The following CCDC144A variants were observed in gnomAD, a reference collection of about 807,000 sequenced individuals.
CCDC144A encodes coiled-coil domain containing 144A.
A neutral mutation model predicts 143.8 loss-of-function variants in CCDC144A; 41 were observed. That is an observed-to-expected ratio of 0.29 (90% CI 0.22 to 0.37). CCDC144A has a LOEUF of 0.37. Ranked by LOEUF, CCDC144A falls within the 10% of genes least tolerant of loss-of-function variation. The pLI is 1.00. For synonymous variants in CCDC144A, 242 were observed against 517.9 expected (o/e 0.47, Z 7.23); for missense variants, 637 against 1,488.8 (o/e 0.43, Z 9.41).
At chr17:16,700,387 A>C (rs1475732725) in intron 2 of CCDC144A, among the ~76,000 whole-genome samples, 1 of 152,190 alleles carries the variant, frequency 6.6e-6, no homozygotes, top group Non-Finnish European at 1.5e-5. Context: ...CCTCACATGT[A>C]ACAAAACTCT....
the CCDC144A span, chr17:16,683,783 A>C: frequency 5.2e-5 from 76 of 1,471,422 alleles, no homozygotes; most frequent in Non-Finnish European, 7.1e-5. Context: ...ATGCAAGCAC[A>C]TGAAGCCGAG....
At chr17:16,688,371 G>A (rs111369648), upstream of CCDC144A, among the ~76,000 whole-genome samples, 112 of 151,986 alleles carry the variant, frequency 7.4e-4, no homozygotes, top group African/African-American at 2.6e-3. Flanking sequence ...ATGTGCACAC[G>A]ATATGTGCAA....
At chr17:16,721,396 TA>T (rs1357064942) in intron 8 of CCDC144A, among the ~76,000 whole-genome samples, 3 of 151,750 alleles carry the variant, frequency 2.0e-5, no homozygotes, top group Non-Finnish European at 4.4e-5. Context: ...ACCAGAGGTA[TA>T]CGACATTTCT....
chr17:16,683,377 C>G, the CCDC144A span: 1 of 668,450 alleles, frequency 1.5e-6, no homozygotes, highest in Non-Finnish European at 2.6e-6. Flanking sequence ...TAGGACAACT[C>G]TCTTTGTAAA....
chr17:16,767,800 A>G (rs948030581), intron 15 of CCDC144A, among the ~76,000 whole-genome samples: 2 of 152,258 alleles, frequency 1.3e-5, no homozygotes, highest in African/African-American at 2.4e-5. Flanking sequence ...TGTTGAAACA[A>G]GTTTTCTCTA....
At chr17:16,690,855 G>T in intron 1 of CCDC144A, 111 bp downstream of exon 1, 1 of 944,230 alleles carries the variant, frequency 1.1e-6, no homozygotes, top group Non-Finnish European at 1.6e-6. Context: ...AGGGGCCCAG[G>T]CCTCTTAGTG....
upstream of CCDC144A, among the ~76,000 whole-genome samples, chr17:16,685,609 C>T (rs1910750908): frequency 1.3e-5 from 2 of 151,368 alleles, no homozygotes; most frequent in African/African-American, 4.9e-5. Context: ...TCTTGAACTC[C>T]TGACCTCAGG....
At chr17:16,746,853 C>T (rs968007694) in intron 12 of CCDC144A, 5 of 769,398 alleles carry the variant, frequency 6.5e-6, no homozygotes, top group Non-Finnish European at 1.1e-5. Context: ...CCGGCCCCCG[C>T]CCCTCCCTCC....
chr17:16,755,256 A>T (rs530933387), intron 12 of CCDC144A, among the ~76,000 whole-genome samples: 1 of 152,042 alleles, frequency 6.6e-6, no homozygotes, highest in Non-Finnish European at 1.5e-5. Flanking sequence ...GTGAGGACTT[A>T]CTCCTTTCAT....
the CCDC144A span, among the ~76,000 whole-genome samples, chr17:16,667,302 GC>G: frequency 1.3e-5 from 2 of 151,014 alleles, no homozygotes; most frequent in South Asian, 2.1e-4. Context: ...GGCGGCTGAG[GC>G]GGCTGAGGGG....
rs977566235 is a variant in CCDC144A, at chr17:16,694,689, T to G, written c.415+1640T>G. 2.2e-3 allele frequency among the ~76,000 whole-genome samples: 328 copies of G among 152,034 alleles called. 10 individuals are homozygous for G. The highest frequency in any genetic ancestry group is 0.02 in the Admixed American group (306 of 15,268). On this transcript the variant is annotated intron_variant, in intron 2 of 16. Coordinates refer to ENST00000399273, the MANE Select transcript of CCDC144A (RefSeq NM_001382000.1). ...TGAGTGCAGAAGTCAGAAAAGCAATTCCTTGTTGAGAAGAACAGGTCATGT... is the reference window on the plus strand; with the variant it reads ...TGAGTGCAGAAGTCAGAAAAGCAATGCCTTGTTGAGAAGAACAGGTCATGT...
intron 12 of CCDC144A, among the ~76,000 whole-genome samples, chr17:16,751,874 A>G: frequency 6.6e-6 from 1 of 152,156 alleles, no homozygotes; most frequent in East Asian, 1.9e-4. Flanking sequence ...GCTCGCACTC[A>G]CCCAACCAGG....
At chr17:16,691,832 C>T (rs548207748) in intron 1 of CCDC144A, 4 of 152,172 alleles carry the variant, frequency 2.6e-5, no homozygotes, top group Non-Finnish European at 5.9e-5. Flanking sequence ...GAAATTGGAA[C>T]AAAATGGAGA....
intron 12 of CCDC144A, among the ~76,000 whole-genome samples, chr17:16,756,628 G>A (rs1915100749): frequency 1.3e-5 from 2 of 149,568 alleles, no homozygotes; most frequent in African/African-American, 2.5e-5. Context: ...AATTTTATAG[G>A]TTTTGTTTTC....
intron 15 of CCDC144A, chr17:16,764,455 G>A (rs975876867): frequency 2.3e-5 from 9 of 397,334 alleles, no homozygotes; most frequent in African/African-American, 4.2e-5. Context: ...TTAACCAAAG[G>A]TTTACTTTGA....
chr17:16,695,512 A>G (rs1291437407), intron 2 of CCDC144A: 6 of 151,880 alleles, frequency 4.0e-5, no homozygotes, highest in African/African-American at 1.5e-4. Flanking sequence ...AGGTGGGAGG[A>G]TTGCTTGAGC....
chr17:16,706,292 G>A (rs1450079902), intron 3 of CCDC144A: 1 of 145,394 alleles, frequency 6.9e-6, no homozygotes, highest in Non-Finnish European at 1.5e-5. Flanking sequence ...GTTGGTTTTG[G>A]CATTGACAGT....
At chr17:16,697,918 G>A (rs796544848) in intron 2 of CCDC144A, among the ~76,000 whole-genome samples, 28 of 152,306 alleles carry the variant, frequency 1.8e-4, no homozygotes, top group African/African-American at 6.3e-4. Context: ...CATTTAACCG[G>A]GACACGAGGG....
chr17:16,722,901 A>T (rs1913176340), intron 8 of CCDC144A, among the ~76,000 whole-genome samples: 1 of 152,098 alleles, frequency 6.6e-6, no homozygotes, highest in South Asian at 2.1e-4. Context: ...CACCTAAAGG[A>T]GGATATCTTG....
Sources: allele counts gnomAD v4.1 joint callset (sites outside exome capture counted in the v4.1 genomes callset), GRCh38; gene constraint gnomAD v4.1.1; transcripts MANE v1.5; gene names NCBI Gene and HGNC (gene_info 2026-07-23, HGNC 2026-07-21).